The following TGFBR2 variants were observed in gnomAD, a reference collection of about 807,000 sequenced individuals.
The protein encoded by TGFBR2 is TGF-beta receptor type-2.
In TGFBR2, 18 loss-of-function variants were observed where a neutral mutation model predicts 49.0. The observed-to-expected ratio is 0.37, with a 90% CI of 0.25 to 0.54. TGFBR2 has a LOEUF of 0.54. Ranked by LOEUF, TGFBR2 falls within the 20% of genes least tolerant of loss-of-function variation. The pLI, the probability that TGFBR2 is intolerant of heterozygous loss-of-function variation, is 0.85. For missense variants in TGFBR2, 525 were observed against 722.6 expected, an observed-to-expected ratio of 0.73 and a Z score of 3.13; for synonymous variants, 282 against 275.9, an observed-to-expected ratio of 1.02 and a Z score of -0.22.
intron 1 of TGFBR2, among the ~76,000 whole-genome samples, chr3:30,615,380 C>G (rs1265844455): frequency 6.6e-6 from 1 of 152,164 alleles, no homozygotes; most frequent in African/African-American, 2.4e-5. Context: ...CTGAATCTTA[C>G]AGCTCACATA....
chr3:30,672,342 G>A lies in TGFBR2; in HGVS notation c.1159G>A (p.Val387Met), dbSNP rs35766612. ...GGACCTCAAGAGCTCCAATATCCTC[G>A]TGAAGAACGACCTAACCTGCTGCCT... ...HRDLKSSNIL[V>M]KNDLTCCLCD... The change falls in exon 4 of 7, where the codon GTG becomes ATG. Residue 387 changes from valine to methionine, a missense_variant. This residue lies in a region of TGFBR2 where 45 missense variants were observed against 111.0 expected (regional missense o/e 0.41). Transcript: ENST00000295754. The surrounding 1 kb of genome is among the most constrained non-coding windows in gnomAD (Gnocchi z 4.5). 1.7e-3 allele frequency: 2,754 copies of A among 1,613,764 alleles called. 4 individuals are homozygous for A. The highest frequency in any genetic ancestry group is 2.1e-3 in the Non-Finnish European group (2,509 of 1,179,802).
chr3:30,692,467 A>C lies in TGFBR2; in HGVS notation c.*868A>C. The C allele has an allele frequency of 4.3e-6, 1 of 232,614 alleles. No homozygotes were observed. The highest frequency in any genetic ancestry group is 6.0e-5 in the East Asian group (1 of 16,606). The allele number at this position is 232,614 out of a possible 1,614,324, so 14.4% of individuals were successfully genotyped here. A position where few individuals can be genotyped will look rare whatever the true frequency, so the allele number is the denominator to read the frequency against. On this transcript the variant is annotated 3_prime_UTR_variant, in exon 7 of 7. Coordinates refer to ENST00000295754, the MANE Select transcript of TGFBR2 (RefSeq NM_003242.6). ...ATGTCCCCATCCATGCGATTGCCCC[A>C]CCATCTACTAATGAAAAATTGTTCT...
chr3:30,684,381 T>G (rs1489671690), intron 5 of TGFBR2, among the ~76,000 whole-genome samples: 1 of 152,210 alleles, frequency 6.6e-6, no homozygotes, highest in African/African-American at 2.4e-5. Context: ...TTTAGCTGTT[T>G]TGGAAAATCT....
chr3:30,676,937 A>C lies in TGFBR2; in HGVS notation c.1396+2691A>C, dbSNP rs3773650. ...AGTTTCAGCCACTGAGAATAATTTT[A>C]TGCTTGAAAGCTTTGACAGTTCCAA... On this transcript the variant is annotated intron_variant, in intron 5 of 6. Coordinates refer to ENST00000295754, the MANE Select transcript of TGFBR2 (RefSeq NM_003242.6). This position sits in a 1 kb window ranked among gnomAD's most constrained non-coding sequence, Gnocchi z 4.3. Among the ~76,000 whole-genome samples the C allele has an allele frequency of 0.83, 126,846 of 152,224 alleles. 53,222 individuals carry two copies. Among genetic ancestry groups the C allele is most frequent in the African/African-American group, 0.93 (38,684 of 41,566 alleles).
chr3:30,650,483 T>A (rs200043787), intron 3 of TGFBR2, 23 bp downstream of exon 3: 34 of 1,613,298 alleles, frequency 2.1e-5, no homozygotes, highest in Non-Finnish European at 2.9e-5. Context: ...CTCTTAAGGG[T>A]GTGGGACCTG....
intron 1 of TGFBR2, among the ~76,000 whole-genome samples, chr3:30,636,384 C>G (rs1698532396): frequency 6.6e-6 from 1 of 152,052 alleles, no homozygotes; most frequent in South Asian, 2.1e-4. Flanking sequence ...TTGAGCTTAT[C>G]TCTTTATTTT....
intron 1 of TGFBR2, among the ~76,000 whole-genome samples, chr3:30,628,865 T>C (rs1698386040): frequency 6.6e-6 from 1 of 152,180 alleles, no homozygotes; most frequent in African/African-American, 2.4e-5. Flanking sequence ...GGAACACTAC[T>C]CCTTGTCCCT....
At chr3:30,613,371 C>T (rs1404619513) in intron 1 of TGFBR2, among the ~76,000 whole-genome samples, 1 of 152,054 alleles carries the variant, frequency 6.6e-6, no homozygotes, top group Non-Finnish European at 1.5e-5. Context: ...TATGTGGGAA[C>T]CCACATTCGC....
chr3:30,679,618 A>G (rs1699501048), intron 5 of TGFBR2, among the ~76,000 whole-genome samples: 1 of 152,212 alleles, frequency 6.6e-6, no homozygotes, highest in African/African-American at 2.4e-5. Flanking sequence ...CCACTTCTTA[A>G]GCACTTGCTC....
chr3:30,679,637 A>G (rs544018236), intron 5 of TGFBR2, among the ~76,000 whole-genome samples: 3 of 152,214 alleles, frequency 2.0e-5, no homozygotes, highest in Non-Finnish European at 4.4e-5. Context: ...TCCACACATC[A>G]ACTCATTTAA....
chr3:30,668,972 G>A (rs575900727), intron 3 of TGFBR2, among the ~76,000 whole-genome samples: 8 of 151,830 alleles, frequency 5.3e-5, no homozygotes, highest in South Asian at 2.1e-4. Flanking sequence ...TCACTGTTTC[G>A]TTAGATGAAA....
At chr3:30,665,934 ATG>A (rs1253073366) in intron 3 of TGFBR2, among the ~76,000 whole-genome samples, 17 of 152,250 alleles carry the variant, frequency 1.1e-4, no homozygotes, top group African/African-American at 4.1e-4. Flanking sequence ...ATAGTAATAT[ATG>A]TTTCTATAAT....
At chr3:30,627,323 G>A (rs1459756861) in intron 1 of TGFBR2, among the ~76,000 whole-genome samples, 1 of 152,100 alleles carries the variant, frequency 6.6e-6, no homozygotes, top group Non-Finnish European at 1.5e-5. Flanking sequence ...TTCAGAAAGA[G>A]ATGCACCATC....
Position 30,671,652 on chromosome 3 carries a change from A to T in TGFBR2, c.469A>T (p.Asn157Tyr), listed in dbSNP as rs1203996192. The change falls in exon 4 of 7, where the codon AAT (asparagine) becomes TAT (tyrosine). Residue 157 changes from asparagine to tyrosine, a missense_variant. Asn to Tyr is a moderately radical substitution (Grantham distance 143). Transcript: ENST00000295754. ...IIFSEEYNTSNPDLLLVIFQV... is the reference protein window; with the variant it reads ...IIFSEEYNTSYPDLLLVIFQV... ...TTCCCCATCAGAATATAACACCAGCAATCCTGACTTGTTGCTAGTCATATT... is the reference window on the plus strand; with the variant it reads ...TTCCCCATCAGAATATAACACCAGCTATCCTGACTTGTTGCTAGTCATATT... 1 of 1,614,204 alleles carries T rather than the reference A, an allele frequency of 6.2e-7. No individual in the cohort carries two copies. The highest frequency in any genetic ancestry group is 2.2e-5 in the East Asian group (1 of 44,878).
At chr3:30,690,202 A>G (rs948330222) in intron 6 of TGFBR2, among the ~76,000 whole-genome samples, 2 of 152,218 alleles carry the variant, frequency 1.3e-5, no homozygotes, top group African/African-American at 4.8e-5. Context: ...TGATCTTACA[A>G]TTGGGAGGAG....
chr3:30,635,996 G>A (rs533138522), intron 1 of TGFBR2, among the ~76,000 whole-genome samples: 2 of 152,264 alleles, frequency 1.3e-5, no homozygotes, highest in South Asian at 2.1e-4. Flanking sequence ...GGTTGCCGTT[G>A]TTAATGTTGC....
At chr3:30,645,999 T>C (rs1698730507) in intron 2 of TGFBR2, among the ~76,000 whole-genome samples, 1 of 152,204 alleles carries the variant, frequency 6.6e-6, no homozygotes, top group Admixed American at 6.5e-5. Flanking sequence ...AGTACATAAA[T>C]TCATTAATGA....
intron 3 of TGFBR2, among the ~76,000 whole-genome samples, chr3:30,654,360 T>C (rs994837972): frequency 6.6e-6 from 1 of 152,202 alleles, no homozygotes; most frequent in African/African-American, 2.4e-5. Context: ...GCTGTTTTTT[T>C]CTTTGAACCG....
chr3:30,688,652 C>G (rs2125452561), intron 6 of TGFBR2, 141 bp downstream of exon 6: 1 of 1,229,782 alleles, frequency 8.1e-7, no homozygotes. Flanking sequence ...GTTTATAAAG[C>G]AAATTTCAAT....
Sources: gnomAD v4.1 joint callset for allele counts (sites outside exome capture counted in the v4.1 genomes callset) on GRCh38, gnomAD v4.1.1 for gene constraint, gnomAD v4.1.1 regional missense constraint, Gnocchi (gnomAD v3.1) non-coding constraint, MANE v1.5 for transcripts, NCBI Gene and HGNC (gene_info 2026-07-23, HGNC 2026-07-21) for gene names.